The following EFR3B variants were observed in gnomAD, a reference collection of about 807,000 sequenced individuals.
The protein encoded by EFR3B is EFR3 homolog B, also known as protein EFR3 homolog B.
EFR3B carries 64 observed loss-of-function variants against 104.7 expected under a neutral mutation model. That is an observed-to-expected ratio of 0.61 (90% CI 0.50 to 0.75). The LOEUF (loss-of-function observed/expected upper bound fraction) is 0.75. EFR3B is among the 30% of genes least tolerant of loss of function. The pLI, the probability that EFR3B is intolerant of heterozygous loss-of-function variation, is 0.00. For synonymous variants in EFR3B, 385 were observed against 417.9 expected, an observed-to-expected ratio of 0.92 and a Z score of 0.96; for missense variants, 750 against 1,078.5, an observed-to-expected ratio of 0.70 and a Z score of 4.27.
intron 5 of EFR3B, among the ~76,000 whole-genome samples, chr2:25,127,937 G>A (rs1396725400): frequency 6.6e-6 from 1 of 152,176 alleles, no homozygotes; most frequent in East Asian, 1.9e-4. Context: ...CCCTAGGGCT[G>A]GAGCCCAGAT....
chr2:25,057,630 A>G (rs1668059698), intron 1 of EFR3B, among the ~76,000 whole-genome samples: 1 of 151,946 alleles, frequency 6.6e-6, no homozygotes. Context: ...AAAAATCCAA[A>G]AACTAGCTGG....
chr2:25,108,757 G>A (rs1669635333), intron 4 of EFR3B, among the ~76,000 whole-genome samples: 1 of 152,166 alleles, frequency 6.6e-6, no homozygotes. Context: ...CCAGCACTTT[G>A]GGAGGCCGAG....
At chr2:25,126,398 C>T (rs1013748988) in intron 5 of EFR3B, among the ~76,000 whole-genome samples, 2 of 150,488 alleles carry the variant, frequency 1.3e-5, no homozygotes, top group African/African-American at 2.4e-5. Flanking sequence ...CTTACTCTTT[C>T]GCCTAGGCAG....
intron 1 of EFR3B, among the ~76,000 whole-genome samples, chr2:25,061,761 G>C (rs112818346): frequency 3.3e-5 from 5 of 151,944 alleles, no homozygotes; most frequent in Non-Finnish European, 5.9e-5. Context: ...CTCCCAAAGT[G>C]CTGGGATTAT....
At chr2:25,140,322 T>G (rs1670628829) in intron 16 of EFR3B, among the ~76,000 whole-genome samples, 1 of 151,952 alleles carries the variant, frequency 6.6e-6, no homozygotes, top group South Asian at 2.1e-4. Context: ...TAAAATAAAA[T>G]GAAATACATT....
chr2:25,153,170 A>G (rs1671061721), intron 21 of EFR3B, among the ~76,000 whole-genome samples: 1 of 152,124 alleles, frequency 6.6e-6, no homozygotes, highest in Non-Finnish European at 1.5e-5. Flanking sequence ...CCTGGCCAAC[A>G]TAGCAAAACT....
At chr2:25,061,833 A>G (rs1668206641) in intron 1 of EFR3B, among the ~76,000 whole-genome samples, 1 of 152,084 alleles carries the variant, frequency 6.6e-6, no homozygotes, top group Non-Finnish European at 1.5e-5. Context: ...CTAATGCCAC[A>G]CCAGGGAGCC....
intron 4 of EFR3B, among the ~76,000 whole-genome samples, chr2:25,119,115 A>G (rs1456072663): frequency 2.6e-5 from 4 of 152,058 alleles, no homozygotes; most frequent in Non-Finnish European, 5.9e-5. Flanking sequence ...AGTCTTACAC[A>G]CACAGGGAGT....
chr2:25,095,082 C>T (rs529546216), intron 3 of EFR3B, among the ~76,000 whole-genome samples: 137 of 152,250 alleles, frequency 9.0e-4, no homozygotes, highest in African/African-American at 2.8e-3. Context: ...TGAGCTACTG[C>T]GCCAGGCCCC....
intron 4 of EFR3B, among the ~76,000 whole-genome samples, chr2:25,108,963 T>A (rs907797446): frequency 6.6e-6 from 1 of 151,704 alleles, no homozygotes; most frequent in Non-Finnish European, 1.5e-5. Flanking sequence ...CCGAGATCGC[T>A]CCACTGCACT....
chr2:25,126,230 G>GA (rs1670164542), intron 5 of EFR3B, among the ~76,000 whole-genome samples: 1 of 152,164 alleles, frequency 6.6e-6, no homozygotes, highest in Admixed American at 6.5e-5. Flanking sequence ...CCGGGCTGGA[G>GA]TGCAGTGCCA....
At chr2:25,144,336 G>T (rs1338152755) in intron 18 of EFR3B, among the ~76,000 whole-genome samples, 3 of 152,054 alleles carry the variant, frequency 2.0e-5, no homozygotes, top group Admixed American at 2.0e-4. Flanking sequence ...TAAGCTCAAG[G>T]GTTCAAGACC....
At chr2:25,082,310 G>A (rs1305089300) in intron 1 of EFR3B, among the ~76,000 whole-genome samples, 1 of 152,222 alleles carries the variant, frequency 6.6e-6, no homozygotes, top group Non-Finnish European at 1.5e-5. Flanking sequence ...GGTTGGGGGA[G>A]TGAGGACAAG....
chr2:25,042,140 C>T lies in EFR3B; in HGVS notation c.-173C>T, dbSNP rs1003650309. On this transcript the variant is annotated 5_prime_UTR_variant, in exon 1 of 23. Transcript: ENST00000403714. This position sits in a 1 kb window ranked among gnomAD's most constrained non-coding sequence, Gnocchi z 5.4. ...CCCGGCGCTGAATGGGCTGGCGGCG[C>T]CCGGCTCCGTCCTGCCCGCGGCCGG... 269 of 529,218 alleles carry T rather than the reference C, an allele frequency of 5.1e-4. No homozygotes were observed. Among genetic ancestry groups the T allele is most frequent in the Non-Finnish European group, 6.1e-4 (222 of 363,352 alleles). 32.8% of individuals were successfully genotyped at this position (529,218 alleles called of 1,614,324 possible). A position where few individuals can be genotyped will look rare whatever the true frequency, so the allele number is the denominator to read the frequency against.
Position 25,154,443 on chromosome 2 carries a change from A to C in EFR3B, c.*103A>C. 9.1e-7 allele frequency: 1 copy of C among 1,099,102 alleles called. No individual in the cohort carries two copies. The highest frequency in any genetic ancestry group is 1.3e-6 in the Non-Finnish European group (1 of 756,552). 68.1% of individuals were successfully genotyped at this position (1,099,102 alleles called of 1,614,324 possible). On this transcript the variant is annotated 3_prime_UTR_variant, in exon 23 of 23. Transcript: ENST00000403714. This position sits in a 1 kb window ranked among gnomAD's most constrained non-coding sequence, Gnocchi z 4.1. ...ATCTGGCTGTGATCTCTGAGAAAACATCACCTTAGATGGCAGCGCCTCCCA... is the reference window on the plus strand; with the variant it reads ...ATCTGGCTGTGATCTCTGAGAAAACCTCACCTTAGATGGCAGCGCCTCCCA...
At chr2:25,071,709 T>C (rs1668504172) in intron 1 of EFR3B, among the ~76,000 whole-genome samples, 1 of 152,250 alleles carries the variant, frequency 6.6e-6, no homozygotes, top group African/African-American at 2.4e-5. Context: ...CTAAATTATG[T>C]CTTGTTTGTC....
chr2:25,081,111 C>A (rs1000431420), intron 1 of EFR3B: 2 of 692,426 alleles, frequency 2.9e-6, no homozygotes, highest in African/African-American at 1.8e-5. Flanking sequence ...GTAGTCTTCT[C>A]CCCTAGGGTA....
intron 1 of EFR3B, among the ~76,000 whole-genome samples, chr2:25,048,681 A>G (rs1369317978): frequency 2.0e-5 from 3 of 152,366 alleles, no homozygotes; most frequent in Admixed American, 6.5e-5. Context: ...GATATAGATC[A>G]TAGGTATGAT....
intron 1 of EFR3B, among the ~76,000 whole-genome samples, chr2:25,077,657 A>G (rs923490018): frequency 6.6e-6 from 1 of 152,258 alleles, no homozygotes; most frequent in African/African-American, 2.4e-5. Context: ...ACTATCCTGT[A>G]GGATCCCAAT....
Sources: allele counts gnomAD v4.1 joint callset (sites outside exome capture counted in the v4.1 genomes callset), GRCh38; gene constraint gnomAD v4.1.1; non-coding constraint Gnocchi (gnomAD v3.1); transcripts MANE v1.5; gene names NCBI Gene and HGNC (gene_info 2026-07-23, HGNC 2026-07-21).